Variants in GPC6 observed in about 807,000 individuals in gnomAD.
GPC6 encodes glypican-6.
In GPC6, 14 loss-of-function variants were observed where a neutral mutation model predicts 55.2. The ratio of observed to expected loss-of-function variants is 0.25; its 90% CI spans 0.17 to 0.40. GPC6 has a LOEUF of 0.40. Among genes scored for constraint, GPC6 ranks in the 10% least tolerant of loss-of-function variants. The pLI, the probability that GPC6 is intolerant of heterozygous loss-of-function variation, is 1.00. For missense variants in GPC6, 641 were observed against 708.5 expected, an observed-to-expected ratio of 0.90 and a Z score of 1.08; for synonymous variants, 278 against 259.6, an observed-to-expected ratio of 1.07 and a Z score of -0.68.
chr13:94,362,516 G>A (rs9516402), intron 6 of GPC6, among the ~76,000 whole-genome samples: 24,493 of 152,094 alleles, frequency 0.16, 2,697 homozygotes, highest in East Asian at 0.31. Flanking sequence ...ACAATCTACA[G>A]TTTTATTCTC....
At chr13:93,421,091 G>A (rs781773072) in intron 1 of GPC6, among the ~76,000 whole-genome samples, 14 of 152,110 alleles carry the variant, frequency 9.2e-5, no homozygotes, top group Non-Finnish European at 1.3e-4. Context: ...GAGTGACGGC[G>A]GCGTGGGCGG....
chr13:94,102,826 C>T (rs144590291), intron 4 of GPC6, among the ~76,000 whole-genome samples: 35 of 152,290 alleles, frequency 2.3e-4, no homozygotes, highest in African/African-American at 7.9e-4. Context: ...CTGCCACTAA[C>T]AGGCTTTGTA....
At chr13:94,359,119 GA>G (rs1303076445) in intron 6 of GPC6, among the ~76,000 whole-genome samples, 1 of 152,046 alleles carries the variant, frequency 6.6e-6, no homozygotes, top group Non-Finnish European at 1.5e-5. Context: ...GTTATCTTTG[GA>G]AAAAACATTG....
intron 1 of GPC6, among the ~76,000 whole-genome samples, chr13:93,274,925 A>G (rs1273373999): frequency 6.6e-6 from 1 of 152,210 alleles, no homozygotes; most frequent in Non-Finnish European, 1.5e-5. Flanking sequence ...CTAAGATTGC[A>G]TAAAAGACTA....
rs575480517 is a variant in GPC6, at chr13:94,238,720, T to C, written c.878-47629T>C. On this transcript the variant is annotated intron_variant, in intron 4 of 8. Transcript: ENST00000377047. ...TAGAAGCAAAAGATATAAGCGAGGG[T>C]CTCCCACAGTTTGGGGCTGACACAT... Among the ~76,000 whole-genome samples, 7 of 151,948 alleles carry C rather than the reference T, an allele frequency of 4.6e-5. No homozygotes were observed. In the East Asian group the frequency reaches 1.4e-3, roughly 30 times the overall value.
intron 1 of GPC6, among the ~76,000 whole-genome samples, chr13:93,426,704 G>A (rs1294860011): frequency 2.6e-5 from 4 of 152,052 alleles, no homozygotes; most frequent in African/African-American, 4.8e-5. Flanking sequence ...ACATACATGT[G>A]CATGTGTCTT....
At chr13:93,252,135 G>A (rs1876806984) in intron 1 of GPC6, among the ~76,000 whole-genome samples, 1 of 152,170 alleles carries the variant, frequency 6.6e-6, no homozygotes, top group East Asian at 1.9e-4. Context: ...TTTTGATTCA[G>A]TAGATCTGAG....
intron 2 of GPC6, among the ~76,000 whole-genome samples, chr13:93,690,702 A>G (rs1882228793): frequency 1.3e-5 from 2 of 152,090 alleles, no homozygotes; most frequent in African/African-American, 4.8e-5. Flanking sequence ...TTAAACCTAT[A>G]AACTTCTGGT....
At chr13:93,470,447 C>T (rs1466104981) in intron 1 of GPC6, among the ~76,000 whole-genome samples, 1 of 151,984 alleles carries the variant, frequency 6.6e-6, no homozygotes, top group Non-Finnish European at 1.5e-5. Flanking sequence ...ATTGGTCTGG[C>T]CTTGCATTAC....
chr13:93,820,257 T>C (rs1014065631), intron 2 of GPC6, among the ~76,000 whole-genome samples: 7 of 152,132 alleles, frequency 4.6e-5, no homozygotes, highest in Non-Finnish European at 1.0e-4. Flanking sequence ...GAATAATGCA[T>C]TAAAATACAT....
chr13:93,514,487 A>G (rs1881108894), intron 1 of GPC6, among the ~76,000 whole-genome samples: 2 of 152,328 alleles, frequency 1.3e-5, no homozygotes, highest in Non-Finnish European at 2.9e-5. Flanking sequence ...CTTGGAACAG[A>G]TAACTTTGAG....
chr13:93,360,941 G>C (rs566850645), intron 1 of GPC6, among the ~76,000 whole-genome samples: 100 of 152,142 alleles, frequency 6.6e-4, no homozygotes, highest in African/African-American at 2.3e-3. Flanking sequence ...CTAGGGTATG[G>C]GCCTCTGGAT....
At chr13:94,212,484 A>G (rs185845344) in intron 4 of GPC6, among the ~76,000 whole-genome samples, 51 of 152,336 alleles carry the variant, frequency 3.3e-4, no homozygotes, top group African/African-American at 8.7e-4. Context: ...AAATTTCCCA[A>G]CTGTTCTAGG....
At chr13:93,654,745 T>C (rs1045365471) in intron 2 of GPC6, among the ~76,000 whole-genome samples, 3 of 152,132 alleles carry the variant, frequency 2.0e-5, no homozygotes, top group Non-Finnish European at 2.9e-5. Context: ...ACCCCATCTA[T>C]AAATAAATAT....
At chr13:93,751,562 C>T (rs925160395) in intron 2 of GPC6, among the ~76,000 whole-genome samples, 1 of 151,828 alleles carries the variant, frequency 6.6e-6, no homozygotes, top group African/African-American at 2.4e-5. Flanking sequence ...TACTCTGTCA[C>T]CCAGGCTGAA....
intron 2 of GPC6, among the ~76,000 whole-genome samples, chr13:93,778,098 C>T (rs1013364023): frequency 2.6e-5 from 4 of 152,114 alleles, no homozygotes; most frequent in African/African-American, 9.7e-5. Context: ...TCCTAGCTGT[C>T]AATGGGATTA....
intron 1 of GPC6, among the ~76,000 whole-genome samples, chr13:93,324,605 TATATATAA>T (rs753011721): frequency 0.097 from 10,246 of 105,954 alleles, 491 homozygotes; most frequent in East Asian, 0.29. Context: ...TATATATATA[TATATATAA>T]AATCTCTGAG....
intron 3 of GPC6, among the ~76,000 whole-genome samples, chr13:93,883,841 C>T (rs9561460): frequency 0.24 from 36,744 of 151,872 alleles, 4,870 homozygotes; most frequent in East Asian, 0.34. Context: ...AAATTCATTA[C>T]GCATCAATTA....
chr13:94,230,975 G>T (rs1566570975), intron 4 of GPC6, among the ~76,000 whole-genome samples: 1 of 152,214 alleles, frequency 6.6e-6, no homozygotes, highest in East Asian at 1.9e-4. Context: ...GAGACAGGGA[G>T]ATTCTTCTGG....
Sources: gnomAD v4.1 joint callset for allele counts (sites outside exome capture counted in the v4.1 genomes callset) on GRCh38, gnomAD v4.1.1 for gene constraint, MANE v1.5 for transcripts, NCBI Gene and HGNC (gene_info 2026-07-23, HGNC 2026-07-21) for gene names.